Variants in ATG2B observed in about 807,000 individuals in gnomAD.
ATG2B encodes the protein autophagy-related protein 2 homolog B.
A neutral mutation model predicts 241.3 loss-of-function variants in ATG2B; 121 were observed. The ratio of observed to expected loss-of-function variants is 0.50; its 90% CI spans 0.43 to 0.58. The LOEUF (loss-of-function observed/expected upper bound fraction) is 0.58, where lower values mean the gene tolerates loss of function less well. ATG2B is among the 20% of genes least tolerant of loss of function. The pLI, the probability that ATG2B is intolerant of heterozygous loss-of-function variation, is 0.00. For synonymous variants in ATG2B, 858 were observed against 876.6 expected (o/e 0.98, Z 0.37); for missense variants, 2,306 against 2,491.6 (o/e 0.93, Z 1.59).
intron 1 of ATG2B, among the ~76,000 whole-genome samples, chr14:96,347,808 C>T (rs1459712171): frequency 2.0e-5 from 3 of 152,174 alleles, no homozygotes; most frequent in Admixed American, 6.5e-5. Context: ...GTTAAAATGG[C>T]TTCTATCCAG....
At chr14:96,352,204 T>C (rs1214347281) in intron 1 of ATG2B, among the ~76,000 whole-genome samples, 1 of 152,208 alleles carries the variant, frequency 6.6e-6, no homozygotes, top group Non-Finnish European at 1.5e-5. Flanking sequence ...ATTACTCACA[T>C]GTCTGTGGTG....
At chr14:96,345,444 C>G in intron 2 of ATG2B, 59 bp from the exon 3 acceptor site, 1 of 1,272,882 alleles carries the variant, frequency 7.9e-7, no homozygotes, top group Non-Finnish European at 1.1e-6. Flanking sequence ...AATGCCAGTT[C>G]TTAAAATAAT....
intron 18 of ATG2B, among the ~76,000 whole-genome samples, chr14:96,321,834 T>C (rs986548290): frequency 2.0e-5 from 3 of 152,134 alleles, no homozygotes; most frequent in African/African-American, 7.2e-5. Context: ...AGAAAAAAAT[T>C]GTATTTGATC....
chr14:96,339,426 A>G lies in ATG2B; in HGVS notation c.924+2096T>C, dbSNP rs559044739. On this transcript the variant is annotated intron_variant, in intron 6 of 41. Coordinates refer to ENST00000359933, the MANE Select transcript of ATG2B (RefSeq NM_018036.7). ...ATGTATGTGGTGCGTGTATATATATATGGTGTATATTTATGTGGTATACAT... is the reference window on the plus strand; with the variant it reads ...ATGTATGTGGTGCGTGTATATATATGTGGTGTATATTTATGTGGTATACAT... Among the ~76,000 whole-genome samples, 7 of 152,092 alleles carry G rather than the reference A, an allele frequency of 4.6e-5. No individual in the cohort carries two copies. In the South Asian group the frequency reaches 6.2e-4, roughly 14 times the overall value.
intron 7 of ATG2B, 88 bp downstream of exon 7, chr14:96,334,317 T>G: frequency 1.3e-6 from 1 of 783,454 alleles, no homozygotes; most frequent in Non-Finnish European, 2.0e-6. Context: ...AATAATAGAC[T>G]TTCCTACATG....
chr14:96,345,424 G>C (rs775684175), intron 2 of ATG2B, 39 bp from the exon 3 acceptor site: 1 of 1,477,182 alleles, frequency 6.8e-7, no homozygotes, highest in Non-Finnish European at 9.1e-7. Flanking sequence ...AATTTCTTAA[G>C]AGTTACAACA....
intron 4 of ATG2B, among the ~76,000 whole-genome samples, chr14:96,343,769 T>C (rs2139896103): frequency 6.6e-6 from 1 of 152,342 alleles, no homozygotes; most frequent in African/African-American, 2.4e-5. Context: ...TAATTTTCAG[T>C]TTAAACAAAA....
chr14:96,317,913 C>T, intron 18 of ATG2B, 58 bp from the exon 19 acceptor site: 1 of 1,237,400 alleles, frequency 8.1e-7, no homozygotes, highest in Non-Finnish European at 1.1e-6. Context: ...AGAAGGCAAA[C>T]TTAAAAAAAA....
chr14:96,317,800 A>G lies in ATG2B; in HGVS notation c.2935T>C (p.Phe979Leu). Reference sequence around the variant, plus strand: ...CCAATGCCATAGGAAATATTCTCGAATGTCTCCACTGGTGAAGGAGCTGTT... The same window carrying G: ...CCAATGCCATAGGAAATATTCTCGAGTGTCTCCACTGGTGAAGGAGCTGTT... ...EPTAPSPVETFENISYGIGLS... is the reference protein window; with the variant it reads ...EPTAPSPVETLENISYGIGLS... Residue 979 changes from phenylalanine (F) to leucine (L), a missense_variant, in exon 19 of 42, where the codon TTC (phenylalanine) becomes CTC (leucine). Physicochemically the swap from Phe to Leu is conservative, Grantham distance 22 (BLOSUM62 0). This residue lies in a region of ATG2B where 1,927 missense variants were observed against 2,011.2 expected (regional missense o/e 0.96). Coordinates refer to ENST00000359933, the MANE Select transcript of ATG2B (RefSeq NM_018036.7). 1 of 1,613,030 alleles carries G rather than the reference A, an allele frequency of 6.2e-7. No individual in the cohort carries two copies. The highest frequency in any genetic ancestry group is 8.5e-7 in the Non-Finnish European group (1 of 1,179,220).
chr14:96,329,959 G>A (rs1887688235), intron 11 of ATG2B, among the ~76,000 whole-genome samples: 1 of 151,682 alleles, frequency 6.6e-6, no homozygotes, highest in Non-Finnish European at 1.5e-5. Context: ...AAAAACTTTA[G>A]TCGGTGAAGC....
chr14:96,286,474 T>C (rs1162705809), intron 41 of ATG2B, among the ~76,000 whole-genome samples: 5 of 152,296 alleles, frequency 3.3e-5, no homozygotes, highest in East Asian at 1.9e-4. Flanking sequence ...AAAAGCTCAA[T>C]AGAACATTTT....
At chr14:96,314,595 GAT>G (rs1491035657) in intron 23 of ATG2B, among the ~76,000 whole-genome samples, 1 of 133,056 alleles carries the variant, frequency 7.5e-6, no homozygotes, top group Non-Finnish European at 1.8e-5. Context: ...TGACATATAA[GAT>G]AACTCTGTCA....
At chr14:96,355,148 C>T (rs984634954) in intron 1 of ATG2B, among the ~76,000 whole-genome samples, 1 of 152,094 alleles carries the variant, frequency 6.6e-6, no homozygotes, top group Non-Finnish European at 1.5e-5. Flanking sequence ...ATTAGATAAC[C>T]ATTTCTCAGT....
intron 14 of ATG2B, among the ~76,000 whole-genome samples, chr14:96,328,101 C>T (rs1326612370): frequency 3.9e-5 from 6 of 152,188 alleles, no homozygotes; most frequent in East Asian, 1.9e-4. Context: ...AGGTGTGAGC[C>T]GCCACGCCTG....
chr14:96,292,197 C>A, intron 36 of ATG2B, 99 bp from the exon 37 acceptor site: 3 of 647,294 alleles, frequency 4.6e-6, no homozygotes, highest in African/African-American at 1.9e-5. Context: ...AAAAACAAAA[C>A]CACAAAATAA....
Position 96,322,754 on chromosome 14 carries a change from T to G in ATG2B, c.2541-19A>C. On this transcript the variant is annotated intron_variant, in intron 16 of 41. Coordinates refer to ENST00000359933, the MANE Select transcript of ATG2B (RefSeq NM_018036.7). Reference sequence around the variant, plus strand: ...TACAATTCTGATAGCAAAGACAATTTTAAAAAGACCAAGATCTAAGTGTAA... The same window carrying G: ...TACAATTCTGATAGCAAAGACAATTGTAAAAAGACCAAGATCTAAGTGTAA... 6.2e-7 allele frequency: 1 copy of G among 1,603,546 alleles called. No individual in the cohort carries two copies. The highest frequency in any genetic ancestry group is 1.1e-5 in the South Asian group (1 of 89,846).
At chr14:96,329,128 C>T (rs1400128015) in intron 12 of ATG2B, among the ~76,000 whole-genome samples, 1 of 152,166 alleles carries the variant, frequency 6.6e-6, no homozygotes, top group Non-Finnish European at 1.5e-5. Flanking sequence ...AGACATTTAA[C>T]TTGTCTTAAA....
intron 6 of ATG2B, among the ~76,000 whole-genome samples, chr14:96,337,820 G>A (rs1009541181): frequency 2.0e-5 from 3 of 152,018 alleles, no homozygotes; most frequent in African/African-American, 7.2e-5. Context: ...GAAAAATGAC[G>A]GTATTTTGAT....
intron 1 of ATG2B, among the ~76,000 whole-genome samples, chr14:96,354,226 C>T (rs531540751): frequency 6.9e-4 from 105 of 152,234 alleles, no homozygotes; most frequent in African/African-American, 2.4e-3. Context: ...CTGCACAGAT[C>T]ATCCCATCAC....
Sources: allele counts gnomAD v4.1 joint callset (sites outside exome capture counted in the v4.1 genomes callset), GRCh38; gene constraint gnomAD v4.1.1; regional missense constraint gnomAD v4.1.1; transcripts MANE v1.5; gene names NCBI Gene and HGNC (gene_info 2026-07-23, HGNC 2026-07-21).